Variants in TBC1D8B observed in about 807,000 individuals in gnomAD.
TBC1D8B encodes TBC1 domain family member 8B.
TBC1D8B carries 75 observed loss-of-function variants against 82.9 expected under a neutral mutation model. The ratio of observed to expected loss-of-function variants is 0.90; its 90% CI spans 0.75 to 1.10. TBC1D8B has a LOEUF of 1.10. Ranked by LOEUF, TBC1D8B falls within the 50% of genes least tolerant of loss-of-function variation. The pLI, the probability that TBC1D8B is intolerant of heterozygous loss-of-function variation, is 0.00. For synonymous variants in TBC1D8B, 276 were observed against 276.8 expected (o/e 1.00, Z 0.03); for missense variants, 794 against 796.9 (o/e 1.00, Z 0.04).
intron 14 of TBC1D8B, among the ~76,000 whole-genome samples, chrX:106,865,295 T>C (rs1037479813): frequency 2.7e-5 from 3 of 112,222 alleles, no homozygotes; most frequent in Non-Finnish European, 5.6e-5. Flanking sequence ...GGCTGTTCTT[T>C]GGCAGTGATT....
chrX:106,845,781 C>T (rs1932428637), intron 10 of TBC1D8B, among the ~76,000 whole-genome samples: 1 of 111,001 alleles, frequency 9.0e-6, no homozygotes, highest in Non-Finnish European at 1.9e-5. Context: ...ACTTTGTTAG[C>T]GTATTGTTTG....
At position 106,823,328 on chromosome X, in the gene TBC1D8B, A is replaced by G; in HGVS notation, c.689A>G (p.Tyr230Cys). 8.3e-7 allele frequency: 1 copy of G among 1,210,352 alleles called. No individual in the cohort carries two copies. The highest frequency in any genetic ancestry group is 1.1e-6 in the Non-Finnish European group (1 of 894,688). Residue 230 changes from tyrosine (Y) to cysteine (C), a missense_variant, in exon 5 of 21, where the codon TAC (tyrosine) becomes TGC (cysteine). Coordinates refer to ENST00000357242, the MANE Select transcript of TBC1D8B (RefSeq NM_017752.3). Reference sequence around the variant, plus strand: ...GTGTGTTCCCAAGGAGAGAATCACTACTTTTCAATGTTTTTGCACATTAAC... The same window carrying G: ...GTGTGTTCCCAAGGAGAGAATCACTGCTTTTCAATGTTTTTGCACATTAAC... ...IHVCSQGENHYFSMFLHINQT... is the reference protein window; with the variant it reads ...IHVCSQGENHCFSMFLHINQT...
chrX:106,810,275 G>C (rs751985616), intron 1 of TBC1D8B, among the ~76,000 whole-genome samples: 13 of 111,738 alleles, frequency 1.2e-4, no homozygotes, highest in Non-Finnish European at 2.1e-4. Flanking sequence ...CTGAGAGGTG[G>C]TTTGGTAGAA....
chrX:106,818,749 C>G lies in TBC1D8B; in HGVS notation c.217C>G (p.Gln73Glu). 1 of 1,204,275 alleles carries G rather than the reference C, an allele frequency of 8.3e-7. No individual in the cohort carries two copies. Reference sequence around the variant, plus strand: ...CATCCTACACCAGACACCAGATTCTCAAGTTTACTTGTCAATTGCATGTGG... The same window carrying G: ...CATCCTACACCAGACACCAGATTCTGAAGTTTACTTGTCAATTGCATGTGG... ...FRILHQTPDS[Q>E]VYLSIACGAN... is the part of the protein sequence containing the mutation. The change falls in exon 2 of 21, where the codon CAA (glutamine) becomes GAA (glutamate). Residue 73 changes from glutamine (Q) to glutamate (E), a missense_variant. Transcript: ENST00000357242.
chrX:106,872,510 TAAAC>T (rs1291668643), intron 20 of TBC1D8B, among the ~76,000 whole-genome samples: 1 of 100,926 alleles, frequency 9.9e-6, no homozygotes, highest in African/African-American at 3.8e-5. Flanking sequence ...TTAAACATCT[TAAAC>T]AATTCTTAAA....
chrX:106,872,633 T>G (rs754687051), intron 20 of TBC1D8B, among the ~76,000 whole-genome samples: 1 of 109,361 alleles, frequency 9.1e-6, no homozygotes, highest in East Asian at 2.9e-4. Flanking sequence ...GAATTCTTGT[T>G]CACCCTCTGA....
At chrX:106,843,351 T>A (rs2083257892) in intron 10 of TBC1D8B, among the ~76,000 whole-genome samples, 1 of 111,933 alleles carries the variant, frequency 8.9e-6, no homozygotes, top group South Asian at 3.7e-4. Flanking sequence ...TTATTTTATT[T>A]TATTTTTTTA....
intron 5 of TBC1D8B, 127 bp downstream of exon 5, chrX:106,823,593 G>T (rs768814441): frequency 1.4e-6 from 1 of 705,178 alleles, no homozygotes; most frequent in Non-Finnish European, 2.0e-6. Flanking sequence ...GTTGATTGTG[G>T]GTGTGTGTGT....
chrX:106,820,818 A>G (rs1318636127), intron 2 of TBC1D8B, 59 bp from the exon 3 acceptor site: 2 of 755,641 alleles, frequency 2.6e-6, no homozygotes, highest in Non-Finnish European at 2.0e-6. Flanking sequence ...TTAAATAACA[A>G]GAGCAGTTTT....
intron 7 of TBC1D8B, chrX:106,828,720 G>A (rs868764810): frequency 2.7e-5 from 3 of 109,201 alleles, no homozygotes; most frequent in Non-Finnish European, 3.8e-5. Context: ...ATGCAGAAAA[G>A]GCCTTTGACA....
At chrX:106,832,971 T>C (rs1932081201) in intron 7 of TBC1D8B, among the ~76,000 whole-genome samples, 1 of 111,203 alleles carries the variant, frequency 9.0e-6, no homozygotes, top group African/African-American at 3.3e-5. Context: ...CCAGAAACTA[T>C]TAAAAATGAA....
At chrX:106,849,249 A>G in intron 11 of TBC1D8B, 1 of 1,063,874 alleles carries the variant, frequency 9.4e-7, no homozygotes. Flanking sequence ...TTTTAGGTTC[A>G]GATGATTTTA....
rs375918391 is a variant in TBC1D8B, at chrX:106,818,824, G to T, written c.241+51G>T. On this transcript the variant is annotated intron_variant, in intron 2 of 20. Transcript: ENST00000357242. ...TCAAATTAAATAAGGGTACTACAAA[G>T]CTGAGTATTCATATTTATTTATAGT... 2.1e-5 allele frequency: 20 copies of T among 947,825 alleles called. No individual in the cohort carries two copies. In the African/African-American group the frequency reaches 2.9e-4, roughly 14 times the overall value. 78.1% of individuals were successfully genotyped at this position (947,825 alleles called of 1,213,427 possible).
rs146006453 is a variant in TBC1D8B at position 106,839,363 on chromosome X, T to C, written c.1259T>C (p.Leu420Ser). ...EPSDNFEVQS[L>S]TSQRECSKTV... ...TCTGATAATTTTGAGGTGCAATCTT[T>C]GACAAGTCAGAGGGAATGCAGTAAA... Residue 420 changes from leucine to serine, a missense_variant, in exon 8 of 21, where the codon TTG (leucine) becomes TCG (serine). Leu to Ser is a moderately radical substitution (Grantham distance 145). Coordinates refer to ENST00000357242, the MANE Select transcript of TBC1D8B (RefSeq NM_017752.3). The C allele has an allele frequency of 2.3e-5, 27 of 1,186,957 alleles. No individual in the cohort carries two copies. The Middle Eastern group carries it at 1.2e-3, about 52-fold the overall frequency.
intron 2 of TBC1D8B, among the ~76,000 whole-genome samples, chrX:106,820,455 T>C (rs1438447416): frequency 9.0e-6 from 1 of 111,696 alleles, no homozygotes; most frequent in East Asian, 2.8e-4. Context: ...GATTGTCACA[T>C]ACATGCTGTT....
chrX:106,860,340 G>GGGGTGTGT (rs1932761705), intron 14 of TBC1D8B, among the ~76,000 whole-genome samples: 1 of 82,787 alleles, frequency 1.2e-5, no homozygotes, highest in East Asian at 4.1e-4. Context: ...TTTTATGATT[G>GGGGTGTGT]GTGTGTGTGT....
rs370821397 is a variant in TBC1D8B at position 106,802,843 on chromosome X, C to T, written c.-11C>T. 4 of 1,207,992 alleles carry T rather than the reference C, an allele frequency of 3.3e-6. No homozygotes were observed. In the African/African-American group the frequency reaches 5.3e-5, roughly 16 times the overall value. On this transcript the variant is annotated 5_prime_UTR_variant, in exon 1 of 21. Coordinates refer to ENST00000357242, the MANE Select transcript of TBC1D8B (RefSeq NM_017752.3). ...TCTAGGTCACTGCTCCCGGGGGGCA[C>T]AAAGTTCGCGATGTGGCTGAAGCCT...
chrX:106,850,952 A>C (rs1042221767), intron 12 of TBC1D8B, among the ~76,000 whole-genome samples: 1 of 111,693 alleles, frequency 9.0e-6, no homozygotes, highest in Non-Finnish European at 1.9e-5. Context: ...ATGCTTCTAC[A>C]TACCCTATAT....
In TBC1D8B at chrX:106,875,784, G is replaced by A. The variant is rs551356220; in HGVS notation, c.*1819G>A. 8.9e-6 allele frequency: 1 copy of A among 112,098 alleles called. No homozygotes were observed. The highest frequency in any genetic ancestry group is 3.2e-5 in the African/African-American group (1 of 30,918). 9.2% of individuals were successfully genotyped at this position (112,098 alleles called of 1,213,427 possible). A position where few individuals can be genotyped will look rare whatever the true frequency, so the allele number is the denominator to read the frequency against. On this transcript the variant is annotated 3_prime_UTR_variant, in exon 21 of 21. Transcript: ENST00000357242. ...TTTACAAAGAAAGGTACTTTCTTAA[G>A]AGCATATATGTTATTAATATTTGAT...
Sources: allele counts gnomAD v4.1 joint callset (sites outside exome capture counted in the v4.1 genomes callset), GRCh38; gene constraint gnomAD v4.1.1; transcripts MANE v1.5; gene names NCBI Gene and HGNC (gene_info 2026-07-23, HGNC 2026-07-21).